The following CTNNA3 variants were observed in gnomAD, a reference collection of about 807,000 sequenced individuals.
CTNNA3 encodes catenin alpha 3.
Under a neutral mutation model 95.7 loss-of-function variants are expected in CTNNA3, and 76 were observed. The ratio of observed to expected loss-of-function variants is 0.79; its 90% CI spans 0.66 to 0.96. The LOEUF (loss-of-function observed/expected upper bound fraction) is 0.96. Among genes scored for constraint, CTNNA3 ranks in the 40% least tolerant of loss-of-function variants. The pLI is 0.00. For synonymous variants in CTNNA3, 431 were observed against 374.4 expected (o/e 1.15, Z -1.74); for missense variants, 1,191 against 1,089.8 (o/e 1.09, Z -1.31).
chr10:66,880,220 A>G (rs1844793888), intron 7 of CTNNA3, among the ~76,000 whole-genome samples: 1 of 152,092 alleles, frequency 6.6e-6, no homozygotes, highest in Non-Finnish European at 1.5e-5. Context: ...ATCTACCTGG[A>G]CACACATTCC....
intron 11 of CTNNA3, among the ~76,000 whole-genome samples, chr10:66,467,495 C>T (rs1838965902): frequency 6.6e-6 from 1 of 151,986 alleles, no homozygotes; most frequent in Non-Finnish European, 1.5e-5. Context: ...CAAAAAATGG[C>T]AGTCCCCTTT....
intron 7 of CTNNA3, among the ~76,000 whole-genome samples, chr10:66,915,060 A>G (rs1422615404): frequency 6.6e-6 from 1 of 152,148 alleles, no homozygotes; most frequent in Non-Finnish European, 1.5e-5. Context: ...AAATTTGTCC[A>G]ATAGAAGTTT....
intron 7 of CTNNA3, among the ~76,000 whole-genome samples, chr10:66,842,504 C>T (rs746917337): frequency 2.0e-5 from 3 of 152,040 alleles, no homozygotes; most frequent in South Asian, 2.1e-4. Flanking sequence ...AATTAAAATT[C>T]GCTGAAATCT....
intron 1 of CTNNA3, among the ~76,000 whole-genome samples, chr10:67,714,118 C>T (rs1460955551): frequency 6.6e-6 from 1 of 152,204 alleles, no homozygotes; most frequent in Admixed American, 6.5e-5. Flanking sequence ...GGAGCCCCCA[C>T]ACAGAGTCCC....
At chr10:66,741,036 A>T (rs902679660) in intron 9 of CTNNA3, among the ~76,000 whole-genome samples, 1 of 152,196 alleles carries the variant, frequency 6.6e-6, no homozygotes, top group African/African-American at 2.4e-5. Flanking sequence ...AACCATTCCA[A>T]ATACACTATT....
At chr10:67,413,533 C>T (rs1382056695) in intron 5 of CTNNA3, among the ~76,000 whole-genome samples, 1 of 152,046 alleles carries the variant, frequency 6.6e-6, no homozygotes, top group African/African-American at 2.4e-5. Flanking sequence ...ATTAGATCAT[C>T]AAAGCACAAA....
At chr10:67,354,304 T>C (rs1363861837) in intron 5 of CTNNA3, among the ~76,000 whole-genome samples, 1 of 151,974 alleles carries the variant, frequency 6.6e-6, no homozygotes, top group East Asian at 1.9e-4. Context: ...AGATCTCAGA[T>C]TAAGAAAAAT....
chr10:67,526,088 G>C (rs1403978177), intron 4 of CTNNA3, among the ~76,000 whole-genome samples: 2 of 152,060 alleles, frequency 1.3e-5, no homozygotes, highest in Non-Finnish European at 2.9e-5. Flanking sequence ...ATAATATATT[G>C]ATGCTCTATA....
chr10:67,385,071 C>T, intron 5 of CTNNA3, among the ~76,000 whole-genome samples: 1 of 151,704 alleles, frequency 6.6e-6, no homozygotes, highest in East Asian at 1.9e-4. Context: ...GTGAATGCTA[C>T]CAAAAAAGGG....
At chr10:66,526,414 T>C (rs1242043882) in intron 10 of CTNNA3, among the ~76,000 whole-genome samples, 2 of 152,124 alleles carry the variant, frequency 1.3e-5, no homozygotes, top group African/African-American at 2.4e-5. Context: ...CTAGAACTCC[T>C]GAGCTCAGGT....
At chr10:66,624,733 C>A (rs1844872725) in intron 9 of CTNNA3, among the ~76,000 whole-genome samples, 5 of 152,042 alleles carry the variant, frequency 3.3e-5, no homozygotes, top group Admixed American at 3.3e-4. Flanking sequence ...GACATTTAAC[C>A]CCACTCTCTA....
intron 3 of CTNNA3, among the ~76,000 whole-genome samples, chr10:67,555,968 T>G (rs1307467621): frequency 6.6e-6 from 1 of 152,212 alleles, no homozygotes. Context: ...CATGAAGGGT[T>G]GTTGAATTCT....
intron 11 of CTNNA3, among the ~76,000 whole-genome samples, chr10:66,437,876 G>T (rs1224385139): frequency 6.6e-6 from 1 of 152,102 alleles, no homozygotes; most frequent in Non-Finnish European, 1.5e-5. Flanking sequence ...TTTGGATGGG[G>T]TTTTTGCGTG....
At chr10:66,802,599 A>G (rs1461668351) in intron 7 of CTNNA3, among the ~76,000 whole-genome samples, 1 of 151,882 alleles carries the variant, frequency 6.6e-6, no homozygotes, top group East Asian at 1.9e-4. Context: ...TACAGGAATA[A>G]ATACATGTGT....
intron 5 of CTNNA3, among the ~76,000 whole-genome samples, chr10:67,411,073 A>G (rs1295530550): frequency 6.6e-6 from 1 of 152,120 alleles, no homozygotes; most frequent in East Asian, 1.9e-4. Flanking sequence ...ACCCAGAAAA[A>G]TGCTGGTGAA....
intron 9 of CTNNA3, among the ~76,000 whole-genome samples, chr10:66,724,174 G>A (rs977804097): frequency 1.6e-4 from 25 of 152,118 alleles, no homozygotes; most frequent in Admixed American, 1.1e-3. Context: ...CATGAAGGGA[G>A]CCCATGTTTG....
At chr10:66,397,596 G>T (rs1416040163) in intron 11 of CTNNA3, among the ~76,000 whole-genome samples, 1 of 151,598 alleles carries the variant, frequency 6.6e-6, no homozygotes, top group Non-Finnish European at 1.5e-5. Context: ...AAGGTATTTT[G>T]TGAGGTGTAG....
intron 9 of CTNNA3, among the ~76,000 whole-genome samples, chr10:66,670,280 G>A (rs1436062188): frequency 6.6e-6 from 1 of 152,034 alleles, no homozygotes; most frequent in Non-Finnish European, 1.5e-5. Context: ...TGATTCCTGG[G>A]GTCTAAAAGG....
intron 10 of CTNNA3, among the ~76,000 whole-genome samples, chr10:66,549,644 C>T (rs58422634): frequency 0.019 from 2,859 of 152,228 alleles, 95 homozygotes; most frequent in African/African-American, 0.064. Flanking sequence ...TAAGCATTAC[C>T]TTAGCTTTTC....
Sources: gnomAD v4.1 joint callset for allele counts (sites outside exome capture counted in the v4.1 genomes callset) on GRCh38, gnomAD v4.1.1 for gene constraint, MANE v1.5 for transcripts, NCBI Gene and HGNC (gene_info 2026-07-23, HGNC 2026-07-21) for gene names.